Variants in DYNAP observed in about 807,000 individuals in gnomAD.
DYNAP encodes dynactin associated protein.
A neutral mutation model predicts 8.5 loss-of-function variants in DYNAP; 7 were observed. The observed-to-expected ratio is 0.82, with a 90% CI of 0.47 to 1.54. The LOEUF (loss-of-function observed/expected upper bound fraction) is 1.54, where lower values mean the gene tolerates loss of function less well. Ranked by LOEUF, DYNAP falls within the 40% of genes most tolerant of loss-of-function variation. The pLI is 0.01. For missense variants in DYNAP, 256 were observed against 224.3 expected, an observed-to-expected ratio of 1.14 and a Z score of -0.90; for synonymous variants, 77 against 77.9, an observed-to-expected ratio of 0.99 and a Z score of 0.06.
chr18:54,599,374 TA>T lies in DYNAP; in HGVS notation c.*1231del, dbSNP rs1415608339. The T allele has an allele frequency of 6.6e-6, 1 of 152,112 alleles. No homozygotes were observed. Among genetic ancestry groups the T allele is most frequent in the Non-Finnish European group, 1.5e-5 (1 of 67,994 alleles). The allele number at this position is 152,112 out of a possible 1,614,324, so 9.4% of individuals were successfully genotyped here. On this transcript the variant is annotated 3_prime_UTR_variant, in exon 3 of 3. Transcript: ENST00000648945. ...TAAGTTAACTTTTAGTTATCACCAGTAATACTAGCCTACAACTACTCGCCAC... is the reference window on the plus strand; with the variant it reads ...TAAGTTAACTTTTAGTTATCACCAGTATACTAGCCTACAACTACTCGCCAC...
rs1911405089 is a variant in DYNAP at position 54,598,355 on chromosome 18, A to G, written c.*210A>G. On this transcript the variant is annotated 3_prime_UTR_variant, in exon 3 of 3. Transcript: ENST00000648945. ...AACTCAAATAATCACCACTTCGACCATCTCTTTGACTGAATCAACAACTAC... is the reference window on the plus strand; with the variant it reads ...AACTCAAATAATCACCACTTCGACCGTCTCTTTGACTGAATCAACAACTAC... The G allele has an allele frequency of 3.7e-6, 2 of 546,248 alleles. No individual in the cohort carries two copies. Among genetic ancestry groups the G allele is most frequent in the Non-Finnish European group, 3.2e-6 (1 of 312,908 alleles). 33.8% of individuals were successfully genotyped at this position (546,248 alleles called of 1,614,324 possible).
chr18:54,579,731 T>C, the DYNAP span, among the ~76,000 whole-genome samples: 1 of 152,240 alleles, frequency 6.6e-6, no homozygotes, highest in Non-Finnish European at 1.5e-5. Flanking sequence ...TTAGTTTATG[T>C]GATCCTCAAA....
rs779678731 is a variant in DYNAP at position 54,597,999 on chromosome 18, G to A, written c.409G>A (p.Gly137Arg). ...NDGECVTVKP[G>R]TPSPACPPTM... ...TGGAGAGTGTGTGACTGTCAAACCTGGAACACCCTCTCCTGCTTGTCCACC... is the reference window on the plus strand; with the variant it reads ...TGGAGAGTGTGTGACTGTCAAACCTAGAACACCCTCTCCTGCTTGTCCACC... The change falls in exon 3 of 3, where the codon GGA becomes AGA. Residue 137 changes from glycine (G) to arginine (R), a missense_variant. Coordinates refer to ENST00000648945, the MANE Select transcript of DYNAP (RefSeq NM_173629.3). The A allele has an allele frequency of 1.2e-6, 2 of 1,613,236 alleles. No individual in the cohort carries two copies. Among genetic ancestry groups the A allele is most frequent in the East Asian group, 2.2e-5 (1 of 44,810 alleles).
At chr18:54,577,963 CAA>C in the DYNAP span, among the ~76,000 whole-genome samples, 1 of 132,788 alleles carries the variant, frequency 7.5e-6, no homozygotes, top group Non-Finnish European at 1.6e-5. Flanking sequence ...GACTCAGCCT[CAA>C]AAAAAAAAAA....
At chr18:54,583,451 C>T (rs112828128), upstream of DYNAP, among the ~76,000 whole-genome samples, 83 of 152,252 alleles carry the variant, frequency 5.5e-4, no homozygotes, top group African/African-American at 1.7e-3. Context: ...GTTCTGGGAA[C>T]GTAGTTCCAG....
upstream of DYNAP, among the ~76,000 whole-genome samples, chr18:54,586,514 C>G (rs1251596895): frequency 6.6e-6 from 1 of 152,154 alleles, no homozygotes; most frequent in Non-Finnish European, 1.5e-5. Flanking sequence ...CAGTAAATAT[C>G]CATACCTCCC....
chr18:54,597,702 A>G (rs1487500103), intron 2 of DYNAP, 111 bp from the exon 3 acceptor site: 1 of 1,087,568 alleles, frequency 9.2e-7, no homozygotes, highest in Non-Finnish European at 1.3e-6. Context: ...TTTCAGAGAC[A>G]CATAGTGACT....
intron 1 of DYNAP, among the ~76,000 whole-genome samples, chr18:54,591,888 T>A (rs1349782124): frequency 6.6e-6 from 1 of 152,172 alleles, no homozygotes; most frequent in Non-Finnish European, 1.5e-5. Context: ...ATAGTTATCA[T>A]AATCATATAT....
At chr18:54,577,800 C>A in the DYNAP span, among the ~76,000 whole-genome samples, 1 of 151,592 alleles carries the variant, frequency 6.6e-6, no homozygotes, top group Non-Finnish European at 1.5e-5. Flanking sequence ...AACCCGGTCT[C>A]TACTAAAAAT....
chr18:54,584,461 A>T (rs1228156006), upstream of DYNAP, among the ~76,000 whole-genome samples: 1 of 152,036 alleles, frequency 6.6e-6, no homozygotes, highest in Non-Finnish European at 1.5e-5. Flanking sequence ...GTGAAAATGA[A>T]TAAAATAGAG....
upstream of DYNAP, among the ~76,000 whole-genome samples, chr18:54,590,387 C>T (rs1035394414): frequency 2.0e-5 from 3 of 152,094 alleles, no homozygotes; most frequent in African/African-American, 2.4e-5. Context: ...TTTTTCAATT[C>T]CTTGACAGCT....
upstream of DYNAP, among the ~76,000 whole-genome samples, chr18:54,587,464 T>A (rs559382173): frequency 5.3e-5 from 8 of 152,304 alleles, no homozygotes; most frequent in East Asian, 1.3e-3. Context: ...ATAATTCAAA[T>A]TTTTTTAAAT....
At chr18:54,575,783 A>T in the DYNAP span, among the ~76,000 whole-genome samples, 13 of 152,114 alleles carry the variant, frequency 8.5e-5, no homozygotes, top group African/African-American at 3.1e-4. Flanking sequence ...GCTAACATTC[A>T]TAAAGTTCAT....
At chr18:54,576,537 A>C in the DYNAP span, among the ~76,000 whole-genome samples, 111 of 152,188 alleles carry the variant, frequency 7.3e-4, no homozygotes, top group Non-Finnish European at 1.4e-3. Context: ...AGTGGCTCGC[A>C]CCTGTAATCT....
upstream of DYNAP, chr18:54,591,057 A>G (rs118050985): frequency 0.027 from 18,436 of 671,892 alleles, 356 homozygotes; most frequent in South Asian, 0.06. Flanking sequence ...TTTCAGAGGA[A>G]GTACTGGTTT....
chr18:54,581,094 A>G, the DYNAP span, among the ~76,000 whole-genome samples: 6 of 152,200 alleles, frequency 3.9e-5, no homozygotes, highest in African/African-American at 7.2e-5. Context: ...TAGTATGACA[A>G]TTCTCTATGT....
intron 2 of DYNAP, among the ~76,000 whole-genome samples, chr18:54,597,190 T>C (rs1262318499): frequency 6.6e-6 from 1 of 151,998 alleles, no homozygotes; most frequent in East Asian, 1.9e-4. Flanking sequence ...TTTTTAATCT[T>C]CTCAACAACA....
the DYNAP span, among the ~76,000 whole-genome samples, chr18:54,579,553 T>C: frequency 6.6e-6 from 1 of 152,206 alleles, no homozygotes; most frequent in Non-Finnish European, 1.5e-5. Flanking sequence ...TAGTTTGAAA[T>C]GGACAGTTTA....
upstream of DYNAP, among the ~76,000 whole-genome samples, chr18:54,583,226 G>A (rs1910775934): frequency 6.6e-6 from 1 of 152,102 alleles, no homozygotes; most frequent in African/African-American, 2.4e-5. Context: ...GTGGTCAGAG[G>A]GCTGCAGAAA....
Sources: allele counts gnomAD v4.1 joint callset (sites outside exome capture counted in the v4.1 genomes callset), GRCh38; gene constraint gnomAD v4.1.1; transcripts MANE v1.5; gene names NCBI Gene and HGNC (gene_info 2026-07-23, HGNC 2026-07-21).